Variants in PRELID2 observed in about 807,000 individuals in gnomAD.
PRELID2 encodes the protein PRELI domain-containing protein 2.
PRELID2 carries 25 observed loss-of-function variants against 28.4 expected under a neutral mutation model. The ratio of observed to expected loss-of-function variants is 0.88; its 90% CI spans 0.64 to 1.23. The LOEUF (loss-of-function observed/expected upper bound fraction) is 1.23. PRELID2 is among the 50% of genes most tolerant of loss of function. The pLI, the probability that PRELID2 is intolerant of heterozygous loss-of-function variation, is 0.00. For missense variants in PRELID2, 201 were observed against 214.4 expected, an observed-to-expected ratio of 0.94 and a Z score of 0.39; for synonymous variants, 76 against 71.6, an observed-to-expected ratio of 1.06 and a Z score of -0.31.
At chr5:145,658,534 G>A (rs2149675597) in intron 1 of PRELID2, among the ~76,000 whole-genome samples, 1 of 152,302 alleles carries the variant, frequency 6.6e-6, no homozygotes, top group South Asian at 2.1e-4. Context: ...GGTGATGAGT[G>A]AGTACTTGCT....
At chr5:145,578,661 T>G (rs556976041) in intron 1 of PRELID2, among the ~76,000 whole-genome samples, 1 of 152,108 alleles carries the variant, frequency 6.6e-6, no homozygotes, top group African/African-American at 2.4e-5. Context: ...ATACTTTTTA[T>G]TGCTGACGTT....
chr5:145,584,667 A>T (rs116544507), intron 1 of PRELID2, among the ~76,000 whole-genome samples: 2,104 of 147,972 alleles, frequency 0.014, 44 homozygotes, highest in African/African-American at 0.052. Context: ...TCACGCATTC[A>T]ACAAACATGG....
chr5:145,378,271 G>T, the PRELID2 span, among the ~76,000 whole-genome samples: 1 of 152,040 alleles, frequency 6.6e-6, no homozygotes, highest in Non-Finnish European at 1.5e-5. Flanking sequence ...GTCTTGCGGA[G>T]GATCTTTTTT....
Position 145,717,476 on chromosome 5 carries a change from TATC to T in PRELID2, n.70+47452_70+47454del, listed in dbSNP as rs1470104185. 3.3e-5 allele frequency among the ~76,000 whole-genome samples: 5 copies of T among 152,182 alleles called. No homozygotes were observed. In the East Asian group the frequency reaches 5.8e-4, roughly 18 times the overall value. ...TTAAAATAACTGAAGAAAAAAGTCTTATCATATATACGCATGTATTTGAGTAAA... is the reference window on the plus strand; with the variant it reads ...TTAAAATAACTGAAGAAAAAAGTCTTATATATACGCATGTATTTGAGTAAA... On this transcript the variant is annotated intron_variant and non_coding_transcript_variant, in intron 1 of 2. Coordinates refer to the PRELID2 transcript ENST00000510259.
intron 4 of PRELID2, among the ~76,000 whole-genome samples, chr5:145,804,165 G>C (rs1753339196): frequency 6.6e-6 from 1 of 152,154 alleles, no homozygotes; most frequent in Non-Finnish European, 1.5e-5. Flanking sequence ...GGCTCAGCAG[G>C]TTAGTACAAG....
At chr5:145,583,689 G>T (rs528786406) in intron 1 of PRELID2, among the ~76,000 whole-genome samples, 1 of 151,916 alleles carries the variant, frequency 6.6e-6, no homozygotes. Context: ...TCCCATTCAC[G>T]ATTGCTACAA....
chr5:145,790,721 G>GTGTATATATATA (rs772901344), intron 5 of PRELID2, among the ~76,000 whole-genome samples: 32 of 110,904 alleles, frequency 2.9e-4, no homozygotes, highest in African/African-American at 9.5e-4. Flanking sequence ...GTGTGTGTGT[G>GTGTATATATATA]TATATATATA....
chr5:145,704,379 G>C (rs189050561), intron 1 of PRELID2: 1 of 152,134 alleles, frequency 6.6e-6, no homozygotes, highest in Non-Finnish European at 1.5e-5. Context: ...AGCAAAACAC[G>C]ATCTGCAGCC....
At chr5:145,767,396 C>T (rs1757832051) in intron 5 of PRELID2, among the ~76,000 whole-genome samples, 2 of 152,168 alleles carry the variant, frequency 1.3e-5, no homozygotes, top group Admixed American at 1.3e-4. Flanking sequence ...CATTCACCAC[C>T]CTTCAATTCG....
At position 145,724,340 on chromosome 5, in the gene PRELID2, G is replaced by A. The variant is rs115262553; in HGVS notation, n.70+40591C>T. Reference sequence around the variant, plus strand: ...TTAGAAGCCATCTACAAAATAAAACGTTAAAGACATGAAAAATAAAGAATC... The same window carrying A: ...TTAGAAGCCATCTACAAAATAAAACATTAAAGACATGAAAAATAAAGAATC... On this transcript the variant is annotated intron_variant and non_coding_transcript_variant, in intron 1 of 2. Coordinates refer to the PRELID2 transcript ENST00000510259. 4.5e-3 allele frequency among the ~76,000 whole-genome samples: 676 copies of A among 151,272 alleles called. 5 individuals carry two copies. The highest frequency in any genetic ancestry group is 0.015 in the African/African-American group (602 of 41,266).
chr5:145,739,698 A>C (rs1361682941), intron 1 of PRELID2, among the ~76,000 whole-genome samples: 1 of 152,142 alleles, frequency 6.6e-6, no homozygotes, highest in East Asian at 1.9e-4. Context: ...GATTATAAAC[A>C]GGAGAGGGTA....
the PRELID2 span, among the ~76,000 whole-genome samples, chr5:145,394,236 G>A: frequency 6.6e-6 from 1 of 152,082 alleles, no homozygotes; most frequent in African/African-American, 2.4e-5. Context: ...ATACACCATG[G>A]AATACTATGC....
intron 1 of PRELID2, among the ~76,000 whole-genome samples, chr5:145,715,225 C>T (rs1755809517): frequency 1.3e-5 from 2 of 152,102 alleles, no homozygotes; most frequent in South Asian, 4.1e-4. Flanking sequence ...AATAGCATCT[C>T]CACTCACCGA....
chr5:145,405,139 A>AG, the PRELID2 span, among the ~76,000 whole-genome samples: 1 of 152,208 alleles, frequency 6.6e-6, no homozygotes, highest in African/African-American at 2.4e-5. Context: ...ACTCCCAATA[A>AG]GGGGGGTATC....
the PRELID2 span, among the ~76,000 whole-genome samples, chr5:145,248,392 A>G: frequency 2.6e-5 from 4 of 152,184 alleles, no homozygotes; most frequent in Admixed American, 2.6e-4. Flanking sequence ...ATAAAAATGT[A>G]AAACATATTT....
chr5:145,527,218 C>T (rs1752616350), intron 1 of PRELID2, among the ~76,000 whole-genome samples: 1 of 152,082 alleles, frequency 6.6e-6, no homozygotes, highest in Non-Finnish European at 1.5e-5. Context: ...TATATAAACC[C>T]ACACATGATA....
intron 1 of PRELID2, among the ~76,000 whole-genome samples, chr5:145,577,227 C>A (rs1236143408): frequency 6.6e-6 from 1 of 152,052 alleles, no homozygotes; most frequent in Non-Finnish European, 1.5e-5. Flanking sequence ...CAGCATCAAA[C>A]AGACAAAATA....
At chr5:145,280,674 A>G in the PRELID2 span, among the ~76,000 whole-genome samples, 4 of 151,764 alleles carry the variant, frequency 2.6e-5, no homozygotes, top group Non-Finnish European at 5.9e-5. Context: ...TAATAAAATA[A>G]ATAAAGAGAA....
At chr5:145,814,690 T>C (rs1189947064) in intron 4 of PRELID2, among the ~76,000 whole-genome samples, 1 of 151,900 alleles carries the variant, frequency 6.6e-6, no homozygotes, top group Non-Finnish European at 1.5e-5. Flanking sequence ...AATAAAAAAT[T>C]CAAACCACAC....
Sources: gnomAD v4.1 joint callset for allele counts (sites outside exome capture counted in the v4.1 genomes callset) on GRCh38, gnomAD v4.1.1 for gene constraint, MANE v1.5 for transcripts, NCBI Gene and HGNC (gene_info 2026-07-23, HGNC 2026-07-21) for gene names.